Variants in CNTN4 observed in about 807,000 individuals in gnomAD.
CNTN4 encodes the protein contactin 4.
CNTN4 carries 77 observed loss-of-function variants against 122.5 expected under a neutral mutation model. That is an observed-to-expected ratio of 0.63 (90% CI 0.52 to 0.76). CNTN4 has a LOEUF of 0.76. Among genes scored for constraint, CNTN4 ranks in the 30% least tolerant of loss-of-function variants. The pLI is 0.00. For missense variants in CNTN4, 1,256 were observed against 1,259.1 expected (o/e 1.00, Z 0.04); for synonymous variants, 512 against 447.0 (o/e 1.15, Z -1.83).
intron 12 of CNTN4, among the ~76,000 whole-genome samples, chr3:2,905,776 G>A (rs1559645598): frequency 6.6e-6 from 1 of 152,206 alleles, no homozygotes; most frequent in African/African-American, 2.4e-5. Flanking sequence ...ATTTGGCTAG[G>A]GGGCTGGGCT....
At chr3:2,112,788 T>G (rs1472895549) in intron 2 of CNTN4, among the ~76,000 whole-genome samples, 1 of 152,196 alleles carries the variant, frequency 6.6e-6, no homozygotes, top group African/African-American at 2.4e-5. Context: ...TTCTGGTAAG[T>G]TACTAAGCTA....
chr3:2,525,649 C>T (rs6442737), intron 3 of CNTN4, among the ~76,000 whole-genome samples: 40,169 of 151,920 alleles, frequency 0.26, 5,434 homozygotes, highest in Admixed American at 0.32. Flanking sequence ...TTCATTTGAA[C>T]TTAACAGATG....
chr3:2,239,903 C>G (rs919734872), intron 2 of CNTN4, among the ~76,000 whole-genome samples: 2 of 152,128 alleles, frequency 1.3e-5, no homozygotes, highest in African/African-American at 4.8e-5. Flanking sequence ...CAGGACTGAC[C>G]CATCCTAAAA....
At chr3:2,932,128 A>G (rs1012496442) in intron 13 of CNTN4, among the ~76,000 whole-genome samples, 2 of 152,126 alleles carry the variant, frequency 1.3e-5, no homozygotes, top group African/African-American at 4.8e-5. Context: ...CTGTCATCCC[A>G]GCACTTTGGG....
At chr3:2,554,803 G>A (rs1260888847) in intron 3 of CNTN4, among the ~76,000 whole-genome samples, 1 of 152,132 alleles carries the variant, frequency 6.6e-6, no homozygotes, top group Non-Finnish European at 1.5e-5. Context: ...AAGGAATTTG[G>A]CCAAAGCTCA....
intron 2 of CNTN4, among the ~76,000 whole-genome samples, chr3:2,228,509 C>T (rs1001177421): frequency 2.6e-5 from 4 of 152,016 alleles, no homozygotes; most frequent in African/African-American, 9.7e-5. Context: ...AACAAGTTTG[C>T]AGATCTCTCT....
At chr3:2,476,002 C>G (rs111459863) in intron 3 of CNTN4, among the ~76,000 whole-genome samples, 32 of 152,154 alleles carry the variant, frequency 2.1e-4, no homozygotes, top group Non-Finnish European at 8.8e-5. Context: ...GAATACTTGC[C>G]AAATGCTCAC....
chr3:2,783,964 T>C lies in CNTN4; in HGVS notation c.359-35522T>C, dbSNP rs557392989. 7.9e-5 allele frequency among the ~76,000 whole-genome samples: 12 copies of C among 152,366 alleles called. No individual in the cohort carries two copies. The South Asian group carries it at 2.3e-3, about 29-fold the overall frequency. On this transcript the variant is annotated intron_variant, in intron 6 of 24. Transcript: ENST00000418658. ...CATAATTCCCTAGGAAAGGTCAATA[T>C]ACTCTTTTATTAACCATAAGCCTTT...
intron 11 of CNTN4, among the ~76,000 whole-genome samples, chr3:2,902,102 A>C (rs1225687784): frequency 6.6e-6 from 1 of 152,162 alleles, no homozygotes; most frequent in African/African-American, 2.4e-5. Flanking sequence ...AGTCTAATAA[A>C]GTGTCCACTC....
At chr3:2,998,670 C>A (rs767609924) in intron 14 of CNTN4, among the ~76,000 whole-genome samples, 4 of 151,966 alleles carry the variant, frequency 2.6e-5, no homozygotes, top group Non-Finnish European at 4.4e-5. Flanking sequence ...TCAAGGTAAT[C>A]CCAGGAAAAA....
At chr3:2,237,134 G>A (rs796289687) in intron 2 of CNTN4, among the ~76,000 whole-genome samples, 12 of 152,160 alleles carry the variant, frequency 7.9e-5, no homozygotes, top group African/African-American at 2.6e-4. Context: ...AGAGGGTTGA[G>A]GTAAGAGGGA....
At chr3:2,830,781 G>A (rs2093087019) in intron 7 of CNTN4, among the ~76,000 whole-genome samples, 1 of 152,156 alleles carries the variant, frequency 6.6e-6, no homozygotes, top group Admixed American at 6.6e-5. Context: ...AGCTGAAAAA[G>A]GAATGAGTGG....
intron 2 of CNTN4, among the ~76,000 whole-genome samples, chr3:2,151,246 A>G (rs1052036894): frequency 6.6e-6 from 1 of 152,134 alleles, no homozygotes; most frequent in Non-Finnish European, 1.5e-5. Context: ...ATTTTTGACT[A>G]TGTGGAAATA....
chr3:2,797,314 C>T (rs1173145029), intron 6 of CNTN4, among the ~76,000 whole-genome samples: 2 of 152,138 alleles, frequency 1.3e-5, no homozygotes, highest in African/African-American at 4.8e-5. Flanking sequence ...ATTTAGAAAG[C>T]TACACTGGGA....
intron 3 of CNTN4, among the ~76,000 whole-genome samples, chr3:2,495,504 C>T (rs548016997): frequency 6.6e-6 from 1 of 152,260 alleles, no homozygotes; most frequent in Non-Finnish European, 1.5e-5. Context: ...GTCCCCAATC[C>T]CCAGGCCATG....
intron 3 of CNTN4, among the ~76,000 whole-genome samples, chr3:2,494,136 CTG>C (rs1362327325): frequency 1.3e-5 from 2 of 151,894 alleles, no homozygotes; most frequent in African/African-American, 4.8e-5. Flanking sequence ...GAGTCAAACT[CTG>C]TAAAATATTG....
At chr3:2,872,239 C>T (rs544847358) in intron 8 of CNTN4, among the ~76,000 whole-genome samples, 1 of 152,040 alleles carries the variant, frequency 6.6e-6, no homozygotes, top group African/African-American at 2.4e-5. Context: ...GCTCTTCTGT[C>T]TTTAGCCACT....
chr3:2,122,108 TTG>T (rs2033834606), intron 2 of CNTN4, among the ~76,000 whole-genome samples: 2 of 151,698 alleles, frequency 1.3e-5, no homozygotes, highest in Non-Finnish European at 1.5e-5. Context: ...TGAGCTGAGA[TTG>T]CGCCACTGCA....
rs1373200545 is a variant in CNTN4, at chr3:3,042,334, T to C, written c.2423T>C (p.Ile808Thr). ...GAACCCACCAAACCACCAGCCAGTATCTTTGCCAGAAGTCTTTCTGCCACA... is the reference window on the plus strand; with the variant it reads ...GAACCCACCAAACCACCAGCCAGTACCTTTGCCAGAAGTCTTTCTGCCACA... ...EEEPTKPPAS[I>T]FARSLSATDI... is the part of the protein sequence containing the mutation. The change falls in exon 21 of 25, where the codon ATC (isoleucine) becomes ACC (threonine). Residue 808 changes from isoleucine to threonine, a missense_variant. Ile to Thr is a moderately conservative substitution (Grantham distance 89, BLOSUM62 -1). Transcript: ENST00000418658. 1 of 1,614,150 alleles carries C rather than the reference T, an allele frequency of 6.2e-7. No individual in the cohort carries two copies.
Sources: gnomAD v4.1 joint callset for allele counts (sites outside exome capture counted in the v4.1 genomes callset) on GRCh38, gnomAD v4.1.1 for gene constraint, MANE v1.5 for transcripts, NCBI Gene and HGNC (gene_info 2026-07-23, HGNC 2026-07-21) for gene names.